GPHN: variants seen among roughly 807,000 people sequenced by gnomAD.
GPHN encodes gephyrin.
GPHN carries 17 observed loss-of-function variants against 95.5 expected under a neutral mutation model. That is an observed-to-expected ratio of 0.18 (90% CI 0.12 to 0.27). The LOEUF is 0.27. Among genes scored for constraint, GPHN ranks in the 10% least tolerant of loss-of-function variants. The probability of loss-of-function intolerance (pLI) is 1.00; values close to 1 mark genes in which losing one functional copy is unlikely to be tolerated. For synonymous variants in GPHN, 320 were observed against 322.5 expected (o/e 0.99, Z 0.08); for missense variants, 660 against 978.1 (o/e 0.67, Z 4.34).
intron 2 of GPHN, chr14:66,760,949 A>G (rs2058733652): frequency 1.4e-6 from 1 of 735,302 alleles, no homozygotes; most frequent in South Asian, 1.3e-5. Flanking sequence ...TTGCAGGCAA[A>G]GGGAAGCAGT....
the GPHN span, chr14:67,392,357 G>A: frequency 5.4e-5 from 87 of 1,612,932 alleles, 1 homozygote; most frequent in South Asian, 4.5e-4. Context: ...TTTCACCACC[G>A]TGCCACTTAA....
chr14:67,504,874 G>A, the GPHN span, among the ~76,000 whole-genome samples: 2 of 152,122 alleles, frequency 1.3e-5, no homozygotes, highest in South Asian at 2.1e-4. Flanking sequence ...CAACAAGAGC[G>A]ACACTCCGTC....
chr14:66,830,119 A>T (rs1437237635), intron 4 of GPHN, among the ~76,000 whole-genome samples: 1 of 152,130 alleles, frequency 6.6e-6, no homozygotes, highest in Non-Finnish European at 1.5e-5. Context: ...AGCCTGACGT[A>T]TTTATCATCT....
chr14:67,607,770 T>C, the GPHN span, among the ~76,000 whole-genome samples: 1 of 152,332 alleles, frequency 6.6e-6, no homozygotes, highest in South Asian at 2.1e-4. Flanking sequence ...GGCTCTAAAG[T>C]TAGAGGCCTG....
At chr14:67,112,377 C>T (rs1283502279) in intron 15 of GPHN, among the ~76,000 whole-genome samples, 1 of 152,160 alleles carries the variant, frequency 6.6e-6, no homozygotes, top group African/African-American at 2.4e-5. Context: ...ATAAATAGTG[C>T]ATATACCTTA....
At chr14:67,198,098 T>C in the GPHN span, 1 of 1,546,148 alleles carries the variant, frequency 6.5e-7, no homozygotes. Context: ...GATATTAAAT[T>C]CTCTCTGTAT....
chr14:67,333,000 A>AGTAGGAGG, the GPHN span: 1 of 1,560,042 alleles, frequency 6.4e-7, no homozygotes. Context: ...ATCTGGCAAA[A>AGTAGGAGG]ACTGCCAATA....
intron 21 of GPHN, among the ~76,000 whole-genome samples, chr14:67,178,687 A>T (rs1806371899): frequency 6.6e-6 from 1 of 152,126 alleles, no homozygotes; most frequent in Non-Finnish European, 1.5e-5. Flanking sequence ...TAGCTGAAAA[A>T]CTTCCCAAAT....
At chr14:67,465,432 C>T in the GPHN span, among the ~76,000 whole-genome samples, 1 of 128,658 alleles carries the variant, frequency 7.8e-6, no homozygotes, top group African/African-American at 2.5e-5. Flanking sequence ...GTAAGCCTCG[C>T]TAAGGTGTCG....
At chr14:67,048,859 G>A (rs1594934463) in intron 10 of GPHN, among the ~76,000 whole-genome samples, 2 of 152,282 alleles carry the variant, frequency 1.3e-5, no homozygotes, top group Non-Finnish European at 2.9e-5. Context: ...TGCCCTCGCA[G>A]ATTCTCTTTG....
intron 8 of GPHN, among the ~76,000 whole-genome samples, chr14:66,938,953 C>A (rs2067260162): frequency 6.6e-6 from 1 of 152,142 alleles, no homozygotes; most frequent in Admixed American, 6.5e-5. Context: ...GGAAGACAGT[C>A]TTTTCAAAAA....
the GPHN span, among the ~76,000 whole-genome samples, chr14:67,604,991 A>T: frequency 6.6e-6 from 1 of 152,330 alleles, no homozygotes; most frequent in South Asian, 2.1e-4. Flanking sequence ...TGCTAATAGC[A>T]ACCTGTCTCA....
the GPHN span, among the ~76,000 whole-genome samples, chr14:67,356,437 A>AC: frequency 2.0e-4 from 28 of 142,948 alleles, no homozygotes; most frequent in African/African-American, 6.7e-4. Flanking sequence ...ACAAAAACAA[A>AC]AAAAAAAAAA....
chr14:67,643,643 G>A, the GPHN span, among the ~76,000 whole-genome samples: 3 of 152,324 alleles, frequency 2.0e-5, no homozygotes, highest in East Asian at 5.8e-4. Context: ...GGGCAACACA[G>A]TGAGATCAGG....
Position 66,508,299 on chromosome 14 carries a change from C to T in GPHN, c.-229C>T, listed in dbSNP as rs2057869121. 4 of 589,074 alleles carry T rather than the reference C, an allele frequency of 6.8e-6. No homozygotes were observed. In the Admixed American group the frequency reaches 8.9e-5, roughly 13 times the overall value. The allele number at this position is 589,074 out of a possible 1,614,324, so 36.5% of individuals were successfully genotyped here. A position where few individuals can be genotyped will look rare whatever the true frequency, so the allele number is the denominator to read the frequency against. On this transcript the variant is annotated 5_prime_UTR_variant, in exon 1 of 23. Transcript: ENST00000478722. ...TGCCTCCTTCTTGCCGGACTTGGGG[C>T]CGCGCGCCCTGACTCCTTCCCCTCC...
At position 67,036,084 on chromosome 14, in the gene GPHN, T is replaced by G. The variant is rs149653622; in HGVS notation, c.1006+12409T>G. 8.6e-5 allele frequency among the ~76,000 whole-genome samples: 13 copies of G among 151,976 alleles called. No individual in the cohort carries two copies. The East Asian group carries it at 2.5e-3, about 29-fold the overall frequency. On this transcript the variant is annotated intron_variant, in intron 10 of 22. Coordinates refer to ENST00000478722, the MANE Select transcript of GPHN (RefSeq NM_020806.5). ...GGATCATTCAATGCATGAAAATCAATAAATGTAATGTATCACATTAACAGA... is the reference window on the plus strand; with the variant it reads ...GGATCATTCAATGCATGAAAATCAAGAAATGTAATGTATCACATTAACAGA...
chr14:67,603,597 G>T, the GPHN span, among the ~76,000 whole-genome samples: 4 of 152,158 alleles, frequency 2.6e-5, no homozygotes, highest in Non-Finnish European at 5.9e-5. Context: ...AAGCGTTCCT[G>T]TTGCCTTGGC....
the GPHN span, among the ~76,000 whole-genome samples, chr14:67,637,410 C>CAAAAAAAAAAAAAAAAAAAA: frequency 9.7e-6 from 1 of 103,620 alleles, no homozygotes. Context: ...GACTCTGTCT[C>CAAAAAAAAAAAAAAAAAAAA]AAAAAAAAAA....
chr14:67,516,647 G>A, the GPHN span, among the ~76,000 whole-genome samples: 4 of 152,178 alleles, frequency 2.6e-5, no homozygotes, highest in Non-Finnish European at 5.9e-5. Context: ...TGATGGGGCC[G>A]TAGGTCTTCC....
Sources: gnomAD v4.1 joint callset for allele counts (sites outside exome capture counted in the v4.1 genomes callset) on GRCh38, gnomAD v4.1.1 for gene constraint, MANE v1.5 for transcripts, NCBI Gene and HGNC (gene_info 2026-07-23, HGNC 2026-07-21) for gene names.